ACAD10: variants seen among roughly 807,000 people sequenced by gnomAD.
ACAD10 encodes the protein ACAD-10.
Under a neutral mutation model 116.8 loss-of-function variants are expected in ACAD10, and 112 were observed. The observed-to-expected ratio is 0.96, with a 90% CI of 0.82 to 1.12. ACAD10 has a LOEUF of 1.12. Among genes scored for constraint, ACAD10 ranks in the 50% most tolerant of loss-of-function variants. The pLI is 0.00. For missense variants in ACAD10, 1,259 were observed against 1,350.2 expected, an observed-to-expected ratio of 0.93 and a Z score of 1.06; for synonymous variants, 486 against 510.6, an observed-to-expected ratio of 0.95 and a Z score of 0.65.
At chr12:111,747,227 G>T (rs776256036) in intron 15 of ACAD10, 41 bp downstream of exon 15, 3 of 1,610,116 alleles carry the variant, frequency 1.9e-6, no homozygotes, top group East Asian at 2.2e-5. Context: ...TGGCCCTGTT[G>T]TTGTCGGCCC....
chr12:111,726,255 A>G (rs1889210899), intron 8 of ACAD10, among the ~76,000 whole-genome samples: 1 of 152,078 alleles, frequency 6.6e-6, no homozygotes, highest in Non-Finnish European at 1.5e-5. Flanking sequence ...CTCCATCTCA[A>G]AAATAAATAA....
intron 4 of ACAD10, among the ~76,000 whole-genome samples, chr12:111,707,170 T>C (rs1324078134): frequency 1.3e-5 from 2 of 150,418 alleles, no homozygotes; most frequent in Non-Finnish European, 3.0e-5. Flanking sequence ...GCTCATTGCA[T>C]CCTCCACCTC....
At position 111,753,871 on chromosome 12, in the gene ACAD10, C is replaced by T. The variant is rs1319070414; in HGVS notation, c.2917C>T (p.Leu973=). 1.2e-6 allele frequency: 2 copies of T among 1,612,638 alleles called. No homozygotes were observed. The highest frequency in any genetic ancestry group is 3.3e-5 in the Admixed American group (2 of 59,998). ...SRVEIEQARL[L]VLRAAHLMDL... ...CGTGGAGATTGAGCAGGCACGGCTG[C>T]TGGTGCTGAGAGCTGCCCACCTCAT... Residue 973 remains leucine (L), a synonymous_variant, in exon 19 of 21, where the codon CTG becomes TTG. Transcript: ENST00000313698.
intron 9 of ACAD10, 87 bp from the exon 10 acceptor site, chr12:111,729,719 A>G (rs2079685706): frequency 3.3e-6 from 5 of 1,502,818 alleles, no homozygotes; most frequent in Admixed American, 3.6e-5. Context: ...AGAGCATGAC[A>G]AAGGGTTTCA....
intron 5 of ACAD10, 54 bp from the exon 6 acceptor site, chr12:111,712,444 G>C: frequency 6.6e-7 from 1 of 1,522,012 alleles, no homozygotes; most frequent in Non-Finnish European, 9.0e-7. Flanking sequence ...GTGAAAGGAA[G>C]GGAAAAATAA....
chr12:111,736,268 C>A (rs972398071), intron 11 of ACAD10, among the ~76,000 whole-genome samples: 3 of 147,776 alleles, frequency 2.0e-5, no homozygotes, highest in African/African-American at 5.0e-5. Context: ...CTCACTGCAA[C>A]CTCTGCCTCC....
chr12:111,712,672 T>G lies in ACAD10; in HGVS notation c.850+15T>G, dbSNP rs1480662273. On this transcript the variant is annotated intron_variant, in intron 6 of 20. Coordinates refer to ENST00000313698, the MANE Select transcript of ACAD10 (RefSeq NM_025247.6). Reference sequence around the variant, plus strand: ...CCAGACCACAGGTATGTGGGCTTCTTTCATGTTTTGGTAGCTCTCTCCAAG... The same window carrying G: ...CCAGACCACAGGTATGTGGGCTTCTGTCATGTTTTGGTAGCTCTCTCCAAG... The G allele has an allele frequency of 6.2e-7, 1 of 1,612,054 alleles. No homozygotes were observed. Among genetic ancestry groups the G allele is most frequent in the South Asian group, 1.1e-5 (1 of 90,722 alleles).
chr12:111,707,400 T>C (rs1013486110), intron 4 of ACAD10, among the ~76,000 whole-genome samples: 5 of 140,156 alleles, frequency 3.6e-5, no homozygotes, highest in South Asian at 4.6e-4. Context: ...CTGGCCCTAT[T>C]TGGATACTTT....
chr12:111,754,143 A>C (rs566188647), intron 19 of ACAD10, among the ~76,000 whole-genome samples: 2 of 152,196 alleles, frequency 1.3e-5, no homozygotes, highest in African/African-American at 4.8e-5. Flanking sequence ...TGATGGGGCC[A>C]CAGGGCCCCT....
At chr12:111,704,828 C>T (rs1888453728) in intron 3 of ACAD10, among the ~76,000 whole-genome samples, 1 of 151,762 alleles carries the variant, frequency 6.6e-6, no homozygotes, top group Admixed American at 6.6e-5. Context: ...GCTGGGACTA[C>T]AGGTGCGTGC....
intron 19 of ACAD10, among the ~76,000 whole-genome samples, 189 bp from the exon 20 acceptor site, chr12:111,755,479 A>G (rs79233724): frequency 0.016 from 2,372 of 152,014 alleles, 71 homozygotes; most frequent in African/African-American, 0.054. Flanking sequence ...TCAGCTTACC[A>G]CAGCCCCCAA....
intron 19 of ACAD10, 80 bp downstream of exon 19, chr12:111,753,995 C>T: frequency 6.8e-7 from 1 of 1,480,174 alleles, no homozygotes; most frequent in Non-Finnish European, 9.0e-7. Flanking sequence ...AGCCTGGCTT[C>T]TTGACATTAG....
chr12:111,742,146 A>G (rs1328505946), intron 12 of ACAD10, among the ~76,000 whole-genome samples: 1 of 152,222 alleles, frequency 6.6e-6, no homozygotes, highest in Non-Finnish European at 1.5e-5. Flanking sequence ...TACCAGAAGC[A>G]ATAGATCTAA....
intron 4 of ACAD10, 98 bp downstream of exon 4, chr12:111,706,030 G>T: frequency 7.4e-7 from 1 of 1,349,164 alleles, no homozygotes; most frequent in Non-Finnish European, 1.0e-6. Context: ...TTGAGTGAGG[G>T]AGTTTTTCCT....
chr12:111,719,853 G>T (rs1416733368), intron 7 of ACAD10, among the ~76,000 whole-genome samples: 2 of 151,860 alleles, frequency 1.3e-5, no homozygotes, highest in Non-Finnish European at 2.9e-5. Context: ...TCAGCCTCCC[G>T]AGTAGATGGG....
At chr12:111,756,021 AC>A in intron 20 of ACAD10, 1 of 864,922 alleles carries the variant, frequency 1.2e-6, no homozygotes, top group East Asian at 2.8e-5. Context: ...ATTCACATGA[AC>A]TTGGGTTTTC....
chr12:111,723,058 G>T (rs1889071458), intron 8 of ACAD10, among the ~76,000 whole-genome samples: 1 of 147,814 alleles, frequency 6.8e-6, no homozygotes, highest in African/African-American at 2.5e-5. Flanking sequence ...GGCTGGCCGG[G>T]CAGAGGGGCT....
chr12:111,727,407 C>T (rs992493574), intron 8 of ACAD10, among the ~76,000 whole-genome samples: 3 of 151,464 alleles, frequency 2.0e-5, no homozygotes. Flanking sequence ...GCCTGTAGTC[C>T]CAGCTACTCA....
chr12:111,721,789 A>G, intron 8 of ACAD10, 50 bp downstream of exon 8: 2 of 1,489,878 alleles, frequency 1.3e-6, no homozygotes. Context: ...CAGGAGAGAA[A>G]AGCCCATATG....
Sources: gnomAD v4.1 joint callset for allele counts (sites outside exome capture counted in the v4.1 genomes callset) on GRCh38, gnomAD v4.1.1 for gene constraint, MANE v1.5 for transcripts, NCBI Gene and HGNC (gene_info 2026-07-23, HGNC 2026-07-21) for gene names.